GRAMD1B: variants seen among roughly 807,000 people sequenced by gnomAD.
GRAMD1B encodes GRAM domain containing 1B.
GRAMD1B carries 37 observed loss-of-function variants against 99.7 expected under a neutral mutation model. That is an observed-to-expected ratio of 0.37 (90% CI 0.29 to 0.49). The LOEUF (loss-of-function observed/expected upper bound fraction) is 0.49. GRAMD1B is among the 20% of genes least tolerant of loss of function. The pLI, the probability that GRAMD1B is intolerant of heterozygous loss-of-function variation, is 0.98. For missense variants in GRAMD1B, 888 were observed against 1,009.2 expected, an observed-to-expected ratio of 0.88 and a Z score of 1.63; for synonymous variants, 427 against 387.6, an observed-to-expected ratio of 1.10 and a Z score of -1.19.
intron 2 of GRAMD1B, chr11:123,559,598 C>T (rs1415662887): frequency 2.4e-6 from 2 of 849,264 alleles, no homozygotes; most frequent in East Asian, 1.2e-4. Context: ...AGTACTAATA[C>T]TGCATTTCGG....
At chr11:123,360,493 T>C (rs980314531) in intron 1 of GRAMD1B, among the ~76,000 whole-genome samples, 4 of 152,316 alleles carry the variant, frequency 2.6e-5, no homozygotes, top group Non-Finnish European at 5.9e-5. Context: ...GTTCAAGAGA[T>C]CCAGGTCTCA....
At chr11:123,414,902 G>A (rs769509845) in intron 1 of GRAMD1B, among the ~76,000 whole-genome samples, 4 of 151,934 alleles carry the variant, frequency 2.6e-5, no homozygotes, top group African/African-American at 4.8e-5. Flanking sequence ...TTGGGGTTTC[G>A]CCACCCCACA....
chr11:123,501,654 C>T (rs1939874819), intron 2 of GRAMD1B, among the ~76,000 whole-genome samples: 1 of 152,088 alleles, frequency 6.6e-6, no homozygotes, highest in Non-Finnish European at 1.5e-5. Context: ...AATGGCCATC[C>T]CTTGGCAAGC....
At chr11:123,495,826 AAACT>A (rs1484046867) in intron 2 of GRAMD1B, among the ~76,000 whole-genome samples, 3 of 152,156 alleles carry the variant, frequency 2.0e-5, no homozygotes, top group East Asian at 1.9e-4. Flanking sequence ...TTGCATAAAC[AAACT>A]AACAAACAAA....
chr11:123,614,859 T>A, intron 17 of GRAMD1B, 24 bp downstream of exon 17: 1 of 1,409,360 alleles, frequency 7.1e-7, no homozygotes, highest in Non-Finnish European at 1.0e-6. Context: ...GGTTTTCCTA[T>A]CCTGCCCTCA....
intron 2 of GRAMD1B, among the ~76,000 whole-genome samples, chr11:123,569,425 C>T (rs532650718): frequency 6.6e-6 from 1 of 152,102 alleles, no homozygotes; most frequent in African/African-American, 2.4e-5. Context: ...TTGGGTCTGC[C>T]CTTCCCACCT....
Position 123,622,766 on chromosome 11 carries a change from CG to C in GRAMD1B, c.*172del, listed in dbSNP as rs1404428363. ...CAGGGAGAAGGAGCGGGCCCTCCCG[CG>C]CCCTGTGCTGGCCGGAGCAGCGTTT... On this transcript the variant is annotated 3_prime_UTR_variant, in exon 20 of 20. Transcript: ENST00000635736. 1.5e-5 allele frequency: 3 copies of C among 196,352 alleles called. No individual in the cohort carries two copies. Among genetic ancestry groups the C allele is most frequent in the African/African-American group, 7.1e-5 (3 of 42,214 alleles). The allele number at this position is 196,352 out of a possible 1,614,324, so 12.2% of individuals were successfully genotyped here.
At chr11:123,392,963 C>T (rs1859874191) in intron 1 of GRAMD1B, among the ~76,000 whole-genome samples, 1 of 152,142 alleles carries the variant, frequency 6.6e-6, no homozygotes, top group Non-Finnish European at 1.5e-5. Flanking sequence ...GACAAGAATG[C>T]CTTTTGTATC....
At chr11:123,537,482 C>T (rs1944086015) in intron 2 of GRAMD1B, among the ~76,000 whole-genome samples, 1 of 152,208 alleles carries the variant, frequency 6.6e-6, no homozygotes, top group Admixed American at 6.5e-5. Context: ...ATTTTGGGAA[C>T]TGACCATTGA....
chr11:123,374,046 G>A (rs1283075986), intron 1 of GRAMD1B, among the ~76,000 whole-genome samples: 3 of 152,124 alleles, frequency 2.0e-5, no homozygotes, highest in African/African-American at 2.4e-5. Flanking sequence ...AATGTGAGAT[G>A]CGGTAGGTGT....
intron 12 of GRAMD1B, among the ~76,000 whole-genome samples, chr11:123,609,107 A>T (rs1953166531): frequency 6.6e-6 from 1 of 152,022 alleles, no homozygotes; most frequent in Non-Finnish European, 1.5e-5. Flanking sequence ...AGTAAAGCAC[A>T]GTGGCTCTCA....
intron 1 of GRAMD1B, among the ~76,000 whole-genome samples, chr11:123,412,675 G>A (rs965444331): frequency 5.9e-5 from 9 of 152,188 alleles, no homozygotes; most frequent in East Asian, 3.9e-4. Context: ...AGAAAACCCA[G>A]CCCTGAAAAC....
rs759704937 is a variant in GRAMD1B at position 123,610,210 on chromosome 11, G to A, written c.1791G>A (p.Ala597=). Residue 597 remains alanine, a synonymous_variant, in exon 14 of 20, where the codon GCG becomes GCA. Transcript: ENST00000635736. The surrounding 1 kb of genome is among the most constrained non-coding windows in gnomAD (Gnocchi z 4.1). ...CCTGCCCGCAGACCATGTACAAGGCGAGCCAGGAGAGTGAATGTTACGTGA... is the reference window on the plus strand; with the variant it reads ...CCTGCCCGCAGACCATGTACAAGGCAAGCCAGGAGAGTGAATGTTACGTGA... ...TVRETQTMYK[A]SQESECYVID... The A allele has an allele frequency of 9.9e-6, 16 of 1,613,840 alleles. No homozygotes were observed. The East Asian group carries it at 1.1e-4, about 11-fold the overall frequency.
intron 1 of GRAMD1B, among the ~76,000 whole-genome samples, chr11:123,369,981 A>G (rs1946467738): frequency 6.6e-6 from 1 of 152,112 alleles, no homozygotes; most frequent in Non-Finnish European, 1.5e-5. Context: ...TTATGCTTTC[A>G]GAAGTGCAGA....
intron 2 of GRAMD1B, among the ~76,000 whole-genome samples, chr11:123,569,320 G>A (rs1447447510): frequency 6.6e-6 from 1 of 152,142 alleles, no homozygotes; most frequent in Non-Finnish European, 1.5e-5. Flanking sequence ...TAGTGACTTG[G>A]TAGTTTGCTA....
chr11:123,523,406 C>T (rs1324709707), intron 2 of GRAMD1B, among the ~76,000 whole-genome samples: 1 of 152,092 alleles, frequency 6.6e-6, no homozygotes, highest in Non-Finnish European at 1.5e-5. Context: ...GAGGTACTGC[C>T]TTATAACATG....
chr11:123,606,633 G>A lies in GRAMD1B; in HGVS notation c.1348G>A (p.Glu450Lys). The A allele has an allele frequency of 2.5e-6, 4 of 1,612,140 alleles. No individual in the cohort carries two copies. The highest frequency in any genetic ancestry group is 1.1e-5 in the South Asian group (1 of 90,310). The change falls in exon 11 of 20, where the codon GAG becomes AAG. Residue 450 changes from glutamate (E) to lysine (K), a missense_variant. Transcript: ENST00000635736. ...VSFDGLPLEE[E>K]ALEGDGSLEK... ...GTTTGATGGGCTGCCCCTGGAGGAA[G>A]AGGCGCTGGAGGGAGACGGGTCCCT...
chr11:123,479,426 G>A (rs1951470484), intron 1 of GRAMD1B, among the ~76,000 whole-genome samples: 1 of 152,198 alleles, frequency 6.6e-6, no homozygotes, highest in Non-Finnish European at 1.5e-5. Flanking sequence ...TCTAGGCTAA[G>A]GAATATACTC....
At chr11:123,408,939 A>G (rs948677966) in intron 1 of GRAMD1B, among the ~76,000 whole-genome samples, 1 of 152,254 alleles carries the variant, frequency 6.6e-6, no homozygotes. Context: ...CTATTGTTTC[A>G]GAAGACTAGA....
Sources: gnomAD v4.1 joint callset for allele counts (sites outside exome capture counted in the v4.1 genomes callset) on GRCh38, gnomAD v4.1.1 for gene constraint, Gnocchi (gnomAD v3.1) non-coding constraint, MANE v1.5 for transcripts, NCBI Gene and HGNC (gene_info 2026-07-23, HGNC 2026-07-21) for gene names.